AKR1C2: variants seen among roughly 807,000 people sequenced by gnomAD.
The protein encoded by AKR1C2 is aldo-keto reductase family 1 member C2.
Under a neutral mutation model 39.8 loss-of-function variants are expected in AKR1C2, and 27 were observed. That is an observed-to-expected ratio of 0.68 (90% CI 0.50 to 0.93). The LOEUF is 0.93. AKR1C2 is among the 40% of genes least tolerant of loss of function. The pLI, the probability that AKR1C2 is intolerant of heterozygous loss-of-function variation, is 0.00. For synonymous variants in AKR1C2, 114 were observed against 137.9 expected (o/e 0.83, Z 1.22); for missense variants, 263 against 365.1 (o/e 0.72, Z 2.28).
chr10:4,998,187 CCA>C (rs1554773352), intron 5 of AKR1C2, among the ~76,000 whole-genome samples: 2 of 150,410 alleles, frequency 1.3e-5, no homozygotes, highest in Non-Finnish European at 3.0e-5. Context: ...CATCCGAAGC[CCA>C]TGTGAATCCC....
At chr10:5,000,224 T>C in intron 3 of AKR1C2, 2 of 1,436,208 alleles carry the variant, frequency 1.4e-6, no homozygotes, top group South Asian at 1.5e-5. Flanking sequence ...TGAAACTCTG[T>C]GTCTGTGAAC....
chr10:5,008,805 G>A (rs10904390), upstream of AKR1C2, among the ~76,000 whole-genome samples: 32,454 of 150,962 alleles, frequency 0.21, 2,365 homozygotes, highest in East Asian at 0.53. Context: ...AAAGAACTCC[G>A]AATATTTTCT....
intron 1 of AKR1C2, chr10:5,010,319 C>A (rs565180981): frequency 2.0e-5 from 3 of 152,278 alleles, no homozygotes; most frequent in Non-Finnish European, 2.9e-5. Context: ...CAAGGGGAAT[C>A]AGGAAACTGT....
At chr10:5,015,070 C>G (rs1837610565) in intron 1 of AKR1C2, 1 of 152,178 alleles carries the variant, frequency 6.6e-6, no homozygotes, top group Non-Finnish European at 1.5e-5. Flanking sequence ...AAAGAGCATC[C>G]AGTCTCCACC....
chr10:5,016,656 T>C (rs1837645645), intron 1 of AKR1C2, among the ~76,000 whole-genome samples: 1 of 152,230 alleles, frequency 6.6e-6, no homozygotes, highest in Admixed American at 6.5e-5. Context: ...TATACCATTC[T>C]GGGTTCTGGA....
intron 7 of AKR1C2, among the ~76,000 whole-genome samples, chr10:4,993,466 C>T (rs1250908169): frequency 7.2e-5 from 11 of 151,978 alleles, no homozygotes; most frequent in African/African-American, 1.7e-4. Flanking sequence ...CCTTATTTCA[C>T]ATAATATTTT....
intron 1 of AKR1C2, chr10:5,013,436 TGTAA>T (rs1261964821): frequency 1.3e-5 from 2 of 157,456 alleles, no homozygotes; most frequent in Non-Finnish European, 2.9e-5. Context: ...ATTATTCTAA[TGTAA>T]GGAAGTATGT....
In AKR1C2 at chr10:4,989,018, A is replaced by C. The variant is rs1294136205; in HGVS notation, c.*978T>G. On this transcript the variant is annotated 3_prime_UTR_variant, in exon 9 of 9. Coordinates refer to ENST00000380753, the MANE Select transcript of AKR1C2 (RefSeq NM_001393392.1). ...CCCATTTTAATCTTGAGTGCCATGC[A>C]TAATGGCTTTGGGATATTTATGTTT... 3 of 152,248 alleles carry C rather than the reference A, an allele frequency of 2.0e-5. No individual in the cohort carries two copies. The highest frequency in any genetic ancestry group is 1.5e-5 in the Non-Finnish European group (1 of 68,042). 9.4% of individuals were successfully genotyped at this position (152,248 alleles called of 1,614,324 possible). A position where few individuals can be genotyped will look rare whatever the true frequency, so the allele number is the denominator to read the frequency against.
chr10:4,999,566 TTCTCTGTGGCAATAC>T, intron 3 of AKR1C2: 1 of 317,616 alleles, frequency 3.1e-6, no homozygotes, highest in East Asian at 7.6e-5. Context: ...TCCTATAATT[TTCTCTGTGGCAATAC>T]CTCTCTTCAA....
At position 4,998,746 on chromosome 10, in the gene AKR1C2, G is replaced by T. The variant is rs1554773452; in HGVS notation, c.449C>A (p.Ala150Asp). Residue 150 changes from alanine to aspartate, a missense_variant and splice_region_variant, in exon 5 of 9, where the codon GCC (alanine) becomes GAC (aspartate). Physicochemically the swap from Ala to Asp is moderately radical, Grantham distance 126 (BLOSUM62 -2). Around this residue, in one of 3 missense-constraint regions of AKR1C2, gnomAD observed 247 missense variants for 267.9 expected, o/e 0.92. Transcript: ENST00000380753. ...DTVDLCATWEAMEKCKDAGLA... is the reference protein window; with the variant it reads ...DTVDLCATWEDMEKCKDAGLA... ...TCCTGCATCTTTACACTTCTCCATG[G>T]CCTGGGAAAAAGGAATTGTGAGGTA... 1 of 1,613,910 alleles carries T rather than the reference G, an allele frequency of 6.2e-7. No individual in the cohort carries two copies. Among genetic ancestry groups the T allele is most frequent in the Non-Finnish European group, 8.5e-7 (1 of 1,179,948 alleles).
chr10:4,996,088 G>C, intron 5 of AKR1C2: 1 of 686,050 alleles, frequency 1.5e-6, no homozygotes, highest in Non-Finnish European at 2.2e-6. Flanking sequence ...CCCTATCCTG[G>C]TTTCTCAATA....
intron 1 of AKR1C2, among the ~76,000 whole-genome samples, chr10:5,012,257 A>G (rs1224991709): frequency 1.3e-5 from 2 of 151,904 alleles, no homozygotes; most frequent in African/African-American, 2.4e-5. Flanking sequence ...CAAGTTCTCC[A>G]CAAAGCTAGT....
intron 1 of AKR1C2, among the ~76,000 whole-genome samples, chr10:5,009,653 TG>T (rs1298564023): frequency 2.6e-5 from 4 of 151,960 alleles, no homozygotes; most frequent in African/African-American, 9.7e-5. Context: ...TGCCCCTAAA[TG>T]AGAACAGGCA....
At chr10:5,001,102 ATCAC>A (rs1185156702) in intron 2 of AKR1C2, among the ~76,000 whole-genome samples, 1 of 152,198 alleles carries the variant, frequency 6.6e-6, no homozygotes, top group Non-Finnish European at 1.5e-5. Flanking sequence ...CAATGTAGGT[ATCAC>A]TCTTTTATAC....
Position 5,011,491 on chromosome 10 carries a change from G to T in AKR1C2, c.-88+6409C>A, listed in dbSNP as rs530287017. On this transcript the variant is annotated intron_variant, in intron 1 of 6. Coordinates refer to the AKR1C2 transcript ENST00000604507. ...ACCTAGACTTCACTACAGATCTAAT[G>T]AATAAGAATCTCTGGTGTAGGATTT... Among the ~76,000 whole-genome samples the T allele has an allele frequency of 1.5e-3, 223 of 152,318 alleles. 1 individual carries two copies. The highest frequency in any genetic ancestry group is 4.6e-3 in the South Asian group (22 of 4,816).
chr10:5,016,342 G>C (rs1837638710), intron 1 of AKR1C2, among the ~76,000 whole-genome samples: 1 of 152,176 alleles, frequency 6.6e-6, no homozygotes, highest in South Asian at 2.1e-4. Context: ...TAGATACAAT[G>C]GAAATGGGGT....
chr10:5,013,893 C>A (rs1192301432), intron 1 of AKR1C2, among the ~76,000 whole-genome samples: 2 of 152,148 alleles, frequency 1.3e-5, no homozygotes, highest in Non-Finnish European at 2.9e-5. Context: ...TGGCAACCAC[C>A]ATTCTACTTC....
At chr10:5,009,921 C>G in intron 1 of AKR1C2, among the ~76,000 whole-genome samples, 1 of 143,162 alleles carries the variant, frequency 7.0e-6, no homozygotes, top group Non-Finnish European at 1.5e-5. Flanking sequence ...AGATCACCTT[C>G]CTACTCATTC....
At chr10:5,007,202 G>A (rs1355827142), upstream of AKR1C2, among the ~76,000 whole-genome samples, 1 of 144,990 alleles carries the variant, frequency 6.9e-6, no homozygotes, top group Admixed American at 7.0e-5. Flanking sequence ...AAGAAGTTTA[G>A]ACAGCAACGT....
Sources: allele counts gnomAD v4.1 joint callset (sites outside exome capture counted in the v4.1 genomes callset), GRCh38; gene constraint gnomAD v4.1.1; regional missense constraint gnomAD v4.1.1; transcripts MANE v1.5; gene names NCBI Gene and HGNC (gene_info 2026-07-23, HGNC 2026-07-21).